The following LRP1 variants were observed in gnomAD, a reference collection of about 807,000 sequenced individuals.
The protein encoded by LRP1 is LDL receptor related protein 1, also known as prolow-density lipoprotein receptor-related protein 1.
In LRP1, 51 loss-of-function variants were observed where a neutral mutation model predicts 541.5. The observed-to-expected ratio is 0.09, with a 90% confidence interval of 0.08 to 0.12. LRP1 has a LOEUF of 0.12. Among genes scored for constraint, LRP1 ranks in the 10% least tolerant of loss-of-function variants. The probability of loss-of-function intolerance (pLI) is 1.00; values close to 1 mark genes in which losing one functional copy is unlikely to be tolerated. For synonymous variants in LRP1, 2,219 were observed against 2,470.8 expected (o/e 0.90, Z 3.02); for missense variants, 3,878 against 6,376.2 (o/e 0.61, Z 13.34).
At position 57,204,756 on chromosome 12, in the gene LRP1, A is replaced by T. The variant is rs141869549; in HGVS notation, c.11194+7A>T. The T allele has an allele frequency of 4.1e-5, 66 of 1,613,686 alleles. No homozygotes were observed. The Admixed American group carries it at 4.2e-4, about 10-fold the overall frequency. Reference sequence around the variant, plus strand: ...ACTGATGAAGAGGACTGTGGTGAGCAGGGGGCCGACGAGAGGCCTGCAGGG... The same window carrying T: ...ACTGATGAAGAGGACTGTGGTGAGCTGGGGGCCGACGAGAGGCCTGCAGGG... On this transcript the variant is annotated splice_region_variant and intron_variant, in intron 72 of 88. Transcript: ENST00000243077. The surrounding 1 kb of genome is among the most constrained non-coding windows in gnomAD (Gnocchi z 5.3).
At chr12:57,169,437 G>C (rs2035902480) in intron 20 of LRP1, 130 bp downstream of exon 20, 1 of 887,054 alleles carries the variant, frequency 1.1e-6, no homozygotes, top group Non-Finnish European at 1.7e-6. Flanking sequence ...GCCTAGGCAT[G>C]GCTCTTGTCC....
chr12:57,166,270 G>C, intron 17 of LRP1, 61 bp downstream of exon 17: 2 of 1,530,954 alleles, frequency 1.3e-6, no homozygotes, highest in Admixed American at 2.0e-5. Context: ...GGGGAGACGA[G>C]GGGGCCAGGT....
In LRP1 at chr12:57,212,577, C is replaced by T; in HGVS notation, c.*22C>T. On this transcript the variant is annotated 3_prime_UTR_variant, in exon 89 of 89. Coordinates refer to ENST00000243077, the MANE Select transcript of LRP1 (RefSeq NM_002332.3). This position sits in a 1 kb window ranked among gnomAD's most constrained non-coding sequence, Gnocchi z 5.0. ...ATAGGGCCCTGCCCCGTCGGACTGC[C>T]CCCAGAAAGCCTCCTGCCCCCTGCC... is the stretch of plus-strand genomic sequence containing the variant. 3 of 1,554,530 alleles carry T rather than the reference C, an allele frequency of 1.9e-6. No homozygotes were observed. The highest frequency in any genetic ancestry group is 1.7e-6 in the Non-Finnish European group (2 of 1,149,582).
Position 57,184,103 on chromosome 12 carries a change from A to C in LRP1, c.5948A>C (p.Asp1983Ala). 6.2e-7 allele frequency: 1 copy of C among 1,613,986 alleles called. No individual in the cohort carries two copies. Among genetic ancestry groups the C allele is most frequent in the Non-Finnish European group, 8.5e-7 (1 of 1,179,954 alleles). ...DWIAGNIYWTDQGFDVIEVAR... is the reference protein window; with the variant it reads ...DWIAGNIYWTAQGFDVIEVAR... ...TCCTTAGGCAACATCTACTGGACAG[A>C]CCAGGGCTTTGATGTCATCGAGGTC... The change falls in exon 37 of 89, where the codon GAC becomes GCC. Residue 1983 changes from aspartate to alanine, a missense_variant. Asp to Ala is a moderately radical substitution (Grantham distance 126). Coordinates refer to ENST00000243077, the MANE Select transcript of LRP1 (RefSeq NM_002332.3). The surrounding 1 kb of genome is among the most constrained non-coding windows in gnomAD (Gnocchi z 7.8).
intron 6 of LRP1, among the ~76,000 whole-genome samples, chr12:57,151,111 C>G (rs2035517478): frequency 6.6e-6 from 1 of 152,148 alleles, no homozygotes; most frequent in Admixed American, 6.5e-5. Flanking sequence ...AATCCTGCAG[C>G]TGAAGCTAGA....
chr12:57,154,073 C>T lies in LRP1; in HGVS notation c.842-135C>T, dbSNP rs540214492. On this transcript the variant is annotated intron_variant, in intron 6 of 88. Coordinates refer to ENST00000243077, the MANE Select transcript of LRP1 (RefSeq NM_002332.3). The surrounding 1 kb of genome is among the most constrained non-coding windows in gnomAD (Gnocchi z 4.6). ...AGCCCTCCTGTATATCCACTCTGAGCTAAGCATGGGGGTGTTGGGTGGGAG... is the reference window on the plus strand; with the variant it reads ...AGCCCTCCTGTATATCCACTCTGAGTTAAGCATGGGGGTGTTGGGTGGGAG... 24 of 778,542 alleles carry T rather than the reference C, an allele frequency of 3.1e-5. No individual in the cohort carries two copies. In the South Asian group the frequency reaches 4.0e-4, roughly 13 times the overall value. The allele number at this position is 778,542 out of a possible 1,614,324, so 48.2% of individuals were successfully genotyped here. A position where few individuals can be genotyped will look rare whatever the true frequency, so the allele number is the denominator to read the frequency against.
chr12:57,210,228 C>T, intron 81 of LRP1, 59 bp downstream of exon 81: 7 of 1,548,724 alleles, frequency 4.5e-6, no homozygotes, highest in Non-Finnish European at 6.1e-6. Flanking sequence ...TCCTGTGGCT[C>T]CTGACTTCCC....
chr12:57,160,843 C>A (rs2136681093), intron 12 of LRP1, 50 bp from the exon 13 acceptor site: 2 of 1,435,046 alleles, frequency 1.4e-6, no homozygotes, highest in Non-Finnish European at 2.0e-6. Flanking sequence ...ACAGGGGAGG[C>A]TGTTGATGGC....
rs376578519 is a variant in LRP1 at position 57,211,848 on chromosome 12, C to T, written c.13258+34C>T. ...CAGGGGTTGGGGCAGGCAGGGCCAC[C>T]GGGACCTAGAGCAGGGGGACCGTGT... On this transcript the variant is annotated intron_variant, in intron 86 of 88. Transcript: ENST00000243077. This position sits in a 1 kb window ranked among gnomAD's most constrained non-coding sequence, Gnocchi z 4.3. 4.6e-5 allele frequency: 74 copies of T among 1,613,126 alleles called. No homozygotes were observed. Among genetic ancestry groups the T allele is most frequent in the Admixed American group, 3.3e-4 (20 of 59,990 alleles).
In LRP1 at chr12:57,204,902, G is replaced by A. The variant is rs551093654; in HGVS notation, c.11194+153G>A. ...ATTGCTAGGAGCCTGGGGGCTTTTC[G>A]TTAGGAAAGAGAAGCCCCTGGGGAA... On this transcript the variant is annotated intron_variant, in intron 72 of 88. Coordinates refer to ENST00000243077, the MANE Select transcript of LRP1 (RefSeq NM_002332.3). This position sits in a 1 kb window ranked among gnomAD's most constrained non-coding sequence, Gnocchi z 5.3. The A allele has an allele frequency of 1.0e-5, 14 of 1,379,534 alleles. No homozygotes were observed. Among genetic ancestry groups the A allele is most frequent in the South Asian group, 4.3e-5 (3 of 69,738 alleles). The allele number at this position is 1,379,534 out of a possible 1,614,324, so 85.5% of individuals were successfully genotyped here.
intron 44 of LRP1, among the ~76,000 whole-genome samples, chr12:57,191,934 A>ACACAC (rs2036409505): frequency 5.8e-5 from 3 of 51,602 alleles, no homozygotes; most frequent in African/African-American, 1.3e-4. Context: ...CACATACCAC[A>ACACAC]CACACACCAC....
chr12:57,185,188 A>C lies in LRP1; in HGVS notation c.6446A>C (p.Asn2149Thr). The C allele has an allele frequency of 6.2e-7, 1 of 1,614,144 alleles. No homozygotes were observed. Among genetic ancestry groups the C allele is most frequent in the South Asian group, 1.1e-5 (1 of 91,074 alleles). The change falls in exon 40 of 89, where the codon AAC (asparagine) becomes ACC (threonine). Residue 2149 changes from asparagine to threonine, a missense_variant. Physicochemically the swap from Asn to Thr is moderately conservative, Grantham distance 65. Coordinates refer to ENST00000243077, the MANE Select transcript of LRP1 (RefSeq NM_002332.3). The surrounding 1 kb of genome is among the most constrained non-coding windows in gnomAD (Gnocchi z 4.9). ...CAGCTTAAAGACATCAAAGTCTTCA[A>C]CCGGGACCGGCAGAAAGGTGAGGCT... ...GVQLKDIKVF[N>T]RDRQKGTNVC... is the part of the protein sequence containing the mutation.
In LRP1 at chr12:57,194,426, C is replaced by T; in HGVS notation, c.7991C>T (p.Ser2664Leu). 1 of 1,534,638 alleles carries T rather than the reference C, an allele frequency of 6.5e-7. No homozygotes were observed. Among genetic ancestry groups the T allele is most frequent in the Non-Finnish European group, 8.8e-7 (1 of 1,141,174 alleles). Residue 2664 changes from serine (S) to leucine (L), a missense_variant, in exon 49 of 89, where the codon TCA (serine) becomes TTA (leucine). Physicochemically the swap from Ser to Leu is moderately radical, Grantham distance 145. Coordinates refer to ENST00000243077, the MANE Select transcript of LRP1 (RefSeq NM_002332.3). ...CTCTTCCAGCCCTGCGAGCGGACCT[C>T]ACTCTGCTACGCACCCAGCTGGGTG... ...GVLFQPCERTSLCYAPSWVCD... is the reference protein window; with the variant it reads ...GVLFQPCERTLLCYAPSWVCD...
Position 57,165,984 on chromosome 12 carries a change from G to T in LRP1, c.2671+39G>T. On this transcript the variant is annotated intron_variant, in intron 16 of 88. Transcript: ENST00000243077. The surrounding 1 kb of genome is among the most constrained non-coding windows in gnomAD (Gnocchi z 4.5). ...CCTGCCCCACCCTGTTGGATGGCAG[G>T]CCTGCAGGGCAGCTCGGCTCTGGCA... 1 of 1,612,310 alleles carries T rather than the reference G, an allele frequency of 6.2e-7. No individual in the cohort carries two copies. The highest frequency in any genetic ancestry group is 1.1e-5 in the South Asian group (1 of 91,070).
At chr12:57,198,803 C>G in intron 60 of LRP1, 133 bp downstream of exon 60, 3 of 917,274 alleles carry the variant, frequency 3.3e-6, no homozygotes, top group Non-Finnish European at 5.0e-6. Flanking sequence ...ACACCACTCA[C>G]TGGGGTGTGG....
chr12:57,157,290 G>C (rs944453511), intron 10 of LRP1, among the ~76,000 whole-genome samples: 1 of 152,174 alleles, frequency 6.6e-6, no homozygotes, highest in Non-Finnish European at 1.5e-5. Flanking sequence ...GTAACTTTAG[G>C]TGGTAATAAG....
At chr12:57,192,247 C>A (rs1210164546) in intron 44 of LRP1, among the ~76,000 whole-genome samples, 1 of 152,038 alleles carries the variant, frequency 6.6e-6, no homozygotes, top group Non-Finnish European at 1.5e-5. Flanking sequence ...ACCGCAAAAC[C>A]CCCAGTGCTC....
intron 1 of LRP1, among the ~76,000 whole-genome samples, chr12:57,130,701 T>C (rs1314185763): frequency 6.6e-6 from 1 of 152,108 alleles, no homozygotes; most frequent in Non-Finnish European, 1.5e-5. Context: ...AGAGGGTTTC[T>C]GTGGAGAGCA....
At chr12:57,182,293 T>C (rs2036181073) in intron 34 of LRP1, among the ~76,000 whole-genome samples, 1 of 149,960 alleles carries the variant, frequency 6.7e-6, no homozygotes, top group Non-Finnish European at 1.5e-5. Flanking sequence ...GGCCGATCAC[T>C]TGAGGTCAGA....
Sources: gnomAD v4.1 joint callset for allele counts (sites outside exome capture counted in the v4.1 genomes callset) on GRCh38, gnomAD v4.1.1 for gene constraint, Gnocchi (gnomAD v3.1) non-coding constraint, MANE v1.5 for transcripts, NCBI Gene and HGNC (gene_info 2026-07-23, HGNC 2026-07-21) for gene names.